The following CFAP74 variants were observed in gnomAD, a reference collection of about 807,000 sequenced individuals.
CFAP74 encodes cilia- and flagella-associated protein 74.
A neutral mutation model predicts 188.9 loss-of-function variants in CFAP74; 124 were observed. That is an observed-to-expected ratio of 0.66 (90% CI 0.57 to 0.76). The LOEUF (loss-of-function observed/expected upper bound fraction) is 0.76, where lower values mean the gene tolerates loss of function less well. Ranked by LOEUF, CFAP74 falls within the 30% of genes least tolerant of loss-of-function variation. CFAP74 has a pLI of 0.00. For missense variants in CFAP74, 2,198 were observed against 2,165.2 expected (o/e 1.02, Z -0.30); for synonymous variants, 956 against 916.7 (o/e 1.04, Z -0.77).
intron 6 of CFAP74, chr1:1,983,883 G>GT (rs1476338533): frequency 6.6e-6 from 1 of 151,698 alleles, no homozygotes; most frequent in African/African-American, 2.4e-5. Context: ...AGAGATGGGG[G>GT]TTTCACCGTG....
intron 16 of CFAP74, 39 bp downstream of exon 16, chr1:1,959,081 T>C (rs368826877): frequency 4.5e-4 from 639 of 1,434,328 alleles, no homozygotes; most frequent in Middle Eastern, 1.2e-3. Context: ...CCAGCCAGCA[T>C]GCCCCGAGAA....
At chr1:1,950,053 T>C (rs1284730376) in intron 18 of CFAP74, among the ~76,000 whole-genome samples, 3 of 152,194 alleles carry the variant, frequency 2.0e-5, no homozygotes, top group South Asian at 2.1e-4. Context: ...TTGGTGGGTG[T>C]CTGGCTTTGC....
At chr1:1,930,906 C>T (rs190986008) in intron 25 of CFAP74, among the ~76,000 whole-genome samples, 134 of 152,186 alleles carry the variant, frequency 8.8e-4, no homozygotes, top group African/African-American at 3.1e-3. Context: ...AAAAAGAGGC[C>T]GGGACCTGGT....
chr1:1,947,594 G>A (rs1234474047), intron 18 of CFAP74, among the ~76,000 whole-genome samples: 7 of 152,244 alleles, frequency 4.6e-5, no homozygotes, highest in Middle Eastern at 3.2e-3. Flanking sequence ...GCAAGTCTGA[G>A]CAGGACTTTT....
chr1:1,943,049 C>T (rs1454309134), intron 21 of CFAP74, among the ~76,000 whole-genome samples: 3 of 152,216 alleles, frequency 2.0e-5, no homozygotes, highest in African/African-American at 4.8e-5. Flanking sequence ...GGCGGGCGCC[C>T]GGGTGCTCAG....
intron 1 of CFAP74, among the ~76,000 whole-genome samples, chr1:1,995,930 C>T (rs1266769224): frequency 2.6e-5 from 4 of 151,890 alleles, no homozygotes; most frequent in African/African-American, 7.3e-5. Flanking sequence ...AAAATGAAAA[C>T]AACAACAACA....
intron 34 of CFAP74, 40 bp downstream of exon 34, chr1:1,924,343 CACCGCCCA>C: frequency 1.4e-6 from 1 of 704,210 alleles, no homozygotes; most frequent in South Asian, 2.3e-5. Flanking sequence ...TCCCCCAGCT[CACCGCCCA>C]CCCCCGCAGC....
At chr1:1,948,518 C>CTT (rs2102053551) in intron 18 of CFAP74, among the ~76,000 whole-genome samples, 1 of 151,064 alleles carries the variant, frequency 6.6e-6, no homozygotes, top group Admixed American at 6.6e-5. Context: ...CGTTGGCCCT[C>CTT]TAAAGTATTG....
chr1:1,970,935 ACACATGCACACCTG>A (rs1655930224), intron 9 of CFAP74, 119 bp from the exon 10 acceptor site: 11 of 1,209,702 alleles, frequency 9.1e-6, no homozygotes, highest in Admixed American at 1.9e-5. Context: ...ACGTGCACAC[ACACATGCACACCTG>A]CACATGCACA....
chr1:1,959,927 C>A, intron 15 of CFAP74, 37 bp downstream of exon 15: 1 of 1,542,840 alleles, frequency 6.5e-7, no homozygotes, highest in Non-Finnish European at 8.7e-7. Context: ...CCCACCACCA[C>A]CTCCCCTTCG....
intron 16 of CFAP74, among the ~76,000 whole-genome samples, chr1:1,957,654 G>A (rs999438224): frequency 3.3e-5 from 5 of 152,194 alleles, no homozygotes; most frequent in Non-Finnish European, 1.5e-5. Context: ...AGGACACCTG[G>A]GGCCTCGCCG....
intron 1 of CFAP74, among the ~76,000 whole-genome samples, chr1:1,991,930 C>T (rs529050008): frequency 6.6e-6 from 1 of 151,786 alleles, no homozygotes; most frequent in Admixed American, 6.6e-5. Context: ...GTCCCAGCTA[C>T]TCGGGAGGCT....
At chr1:1,993,563 G>T (rs1374405454) in intron 1 of CFAP74, among the ~76,000 whole-genome samples, 1 of 151,806 alleles carries the variant, frequency 6.6e-6, no homozygotes, top group Non-Finnish European at 1.5e-5. Context: ...TAGAACTAGA[G>T]GCGTGAGCCA....
Position 1,942,689 on chromosome 1 carries a change from G to A in CFAP74, c.2487-533C>T, listed in dbSNP as rs753336257. Among the ~76,000 whole-genome samples, 3 of 152,134 alleles carry A rather than the reference G, an allele frequency of 2.0e-5. No individual in the cohort carries two copies. Among genetic ancestry groups the A allele is most frequent in the South Asian group, 2.1e-4 (1 of 4,830 alleles). ...CACCTGGGAGGCCATGCGTCTGTCC[G>A]GTCCCTACCTCCGGCTCCCTTAAGC... On this transcript the variant is annotated intron_variant, in intron 21 of 38. Transcript: ENST00000682832. The surrounding 1 kb of genome is among the most constrained non-coding windows in gnomAD (Gnocchi z 4.3).
chr1:1,932,134 C>T (rs1652456432), intron 25 of CFAP74, among the ~76,000 whole-genome samples: 2 of 148,916 alleles, frequency 1.3e-5, no homozygotes, highest in South Asian at 4.2e-4. Flanking sequence ...CGGTGGCTCA[C>T]GCCTGTAATC....
At chr1:1,965,544 T>C (rs1354042954) in intron 12 of CFAP74, among the ~76,000 whole-genome samples, 1 of 152,190 alleles carries the variant, frequency 6.6e-6, no homozygotes, top group East Asian at 1.9e-4. Flanking sequence ...AGTCCTGAAC[T>C]GTCCCTTCAG....
In CFAP74 at chr1:1,985,471, G is replaced by A. The variant is rs780541178; in HGVS notation, c.415C>T (p.Gln139Ter). ...AGNMAAVGRL[Q>*]AVSRRLFAEL... ...GCAAACAGGCGTCTGGACACGGCCT[G>A]GAGGCGGCCCACAGCGGCCCTGCAG... Residue 139 changes from glutamine (Q) to a stop codon, truncating the protein, a stop_gained, in exon 6 of 39, where the codon CAG becomes TAG. Coordinates refer to ENST00000682832, the MANE Select transcript of CFAP74 (RefSeq NM_001304360.2). LOFTEE classifies it high-confidence loss of function. 1 of 1,613,882 alleles carries A rather than the reference G, an allele frequency of 6.2e-7. No homozygotes were observed. Among genetic ancestry groups the A allele is most frequent in the Non-Finnish European group, 8.5e-7 (1 of 1,180,012 alleles).
intron 1 of CFAP74, among the ~76,000 whole-genome samples, chr1:1,991,926 G>C (rs2102110881): frequency 6.6e-6 from 1 of 151,950 alleles, no homozygotes; most frequent in Middle Eastern, 3.4e-3. Context: ...TGCGGTCCCA[G>C]CTACTCGGGA....
chr1:1,989,453 C>G (rs1168427048), intron 2 of CFAP74, among the ~76,000 whole-genome samples: 1 of 152,184 alleles, frequency 6.6e-6, no homozygotes, highest in Non-Finnish European at 1.5e-5. Context: ...CTTTGGACCT[C>G]AACATGACGT....
Sources: allele counts gnomAD v4.1 joint callset (sites outside exome capture counted in the v4.1 genomes callset), GRCh38; gene constraint gnomAD v4.1.1; non-coding constraint Gnocchi (gnomAD v3.1); transcripts MANE v1.5; gene names NCBI Gene and HGNC (gene_info 2026-07-23, HGNC 2026-07-21).